FAM193B: variants seen among roughly 807,000 people sequenced by gnomAD.
The protein encoded by FAM193B is protein FAM193B.
FAM193B carries 27 observed loss-of-function variants against 70.7 expected under a neutral mutation model. The ratio of observed to expected loss-of-function variants is 0.38; its 90% CI spans 0.28 to 0.53. The LOEUF (loss-of-function observed/expected upper bound fraction) is 0.53, where lower values mean the gene tolerates loss of function less well. Among genes scored for constraint, FAM193B ranks in the 20% least tolerant of loss-of-function variants. FAM193B has a pLI of 0.81. For synonymous variants in FAM193B, 448 were observed against 436.0 expected (o/e 1.03, Z -0.34); for missense variants, 1,022 against 1,072.5 (o/e 0.95, Z 0.66).
rs1764526271 is a variant in FAM193B, at chr5:177,539,002, T to C, written c.356A>G (p.Lys119Arg). Residue 119 changes from lysine (K) to arginine (R), a missense_variant, in exon 2 of 9, where the codon AAG (lysine) becomes AGG (arginine). Lys to Arg is a conservative substitution (Grantham distance 26). Coordinates refer to ENST00000514747, the MANE Select transcript of FAM193B (RefSeq NM_001190946.3). ...CAGAGGCATCTCGCCTAGGAGATTCTTGACGAGCTTTGGCATGAAGTCAGG... is the reference window on the plus strand; with the variant it reads ...CAGAGGCATCTCGCCTAGGAGATTCCTGACGAGCTTTGGCATGAAGTCAGG... ...LPPDFMPKLV[K>R]NLLGEMPLWV... 1 of 1,613,940 alleles carries C rather than the reference T, an allele frequency of 6.2e-7. No homozygotes were observed. The highest frequency in any genetic ancestry group is 1.1e-5 in the South Asian group (1 of 91,084).
At chr5:177,545,789 T>A (rs551459280) in intron 1 of FAM193B, among the ~76,000 whole-genome samples, 10 of 152,202 alleles carry the variant, frequency 6.6e-5, no homozygotes, top group Admixed American at 6.5e-4. Flanking sequence ...TGAAGCTGGA[T>A]TGAATTTCCA....
chr5:177,535,986 C>A (rs1234779416), intron 4 of FAM193B, among the ~76,000 whole-genome samples: 2 of 150,646 alleles, frequency 1.3e-5, no homozygotes, highest in Non-Finnish European at 2.9e-5. Context: ...TCAATGCTCA[C>A]AGCAACCCTA....
At position 177,532,744 on chromosome 5, in the gene FAM193B, A is replaced by T. The variant is rs541147012; in HGVS notation, c.1077-103T>A. 1.0e-4 allele frequency: 120 copies of T among 1,143,796 alleles called. 1 individual carries two copies. The South Asian group carries it at 2.1e-3, about 20-fold the overall frequency. 70.9% of individuals were successfully genotyped at this position (1,143,796 alleles called of 1,614,324 possible). A position where few individuals can be genotyped will look rare whatever the true frequency, so the allele number is the denominator to read the frequency against. ...ATCCTGACCGCCCTTCACTTGCCCC[A>T]CTCCACAGAGGTCCCAGGTGGTCCA... On this transcript the variant is annotated intron_variant, in intron 4 of 8. Transcript: ENST00000514747. The surrounding 1 kb of genome is among the most constrained non-coding windows in gnomAD (Gnocchi z 4.9).
Position 177,532,121 on chromosome 5 carries a change from C to T in FAM193B, c.1275+322G>A, listed in dbSNP as rs916686504. On this transcript the variant is annotated intron_variant, in intron 5 of 8. Transcript: ENST00000514747. The surrounding 1 kb of genome is among the most constrained non-coding windows in gnomAD (Gnocchi z 4.9). ...CCACTCTGCCTTCATCACTCCCAAG[C>T]GTTCACTTCTCTGGGATTACACACG... is the stretch of plus-strand genomic sequence containing the variant. 7.5e-7 allele frequency: 1 copy of T among 1,336,410 alleles called. No homozygotes were observed. Among genetic ancestry groups the T allele is most frequent in the Non-Finnish European group, 9.8e-7 (1 of 1,020,526 alleles). The allele number at this position is 1,336,410 out of a possible 1,614,324, so 82.8% of individuals were successfully genotyped here. A position where few individuals can be genotyped will look rare whatever the true frequency, so the allele number is the denominator to read the frequency against.
intron 6 of FAM193B, 54 bp downstream of exon 6, chr5:177,524,130 AC>A (rs1412318045): frequency 2.0e-5 from 32 of 1,602,650 alleles, no homozygotes; most frequent in Admixed American, 8.5e-5. Flanking sequence ...CTGCCCCTCC[AC>A]CCCGTGGACT....
At chr5:177,552,653 TG>T (rs1242144211) in intron 1 of FAM193B, among the ~76,000 whole-genome samples, 2 of 151,990 alleles carry the variant, frequency 1.3e-5, no homozygotes, top group East Asian at 3.9e-4. Flanking sequence ...AGTAGGCTGG[TG>T]GGGGAAGCAG....
chr5:177,521,830 G>A, intron 8 of FAM193B, 144 bp downstream of exon 8: 1 of 650,668 alleles, frequency 1.5e-6, no homozygotes, highest in Non-Finnish European at 2.7e-6. Flanking sequence ...TGCCATTGCT[G>A]TGAAGATGCA....
At chr5:177,534,603 G>C (rs1228982627) in intron 4 of FAM193B, among the ~76,000 whole-genome samples, 1 of 151,838 alleles carries the variant, frequency 6.6e-6, no homozygotes, top group Non-Finnish European at 1.5e-5. Context: ...CGCCTGGCCA[G>C]CAAAATTGAT....
At chr5:177,550,681 G>A (rs540673489) in intron 1 of FAM193B, among the ~76,000 whole-genome samples, 55 of 152,260 alleles carry the variant, frequency 3.6e-4, no homozygotes, top group African/African-American at 1.3e-3. Context: ...CAAACTCAGT[G>A]GTCCAAGAGA....
chr5:177,550,710 G>A (rs1167833501), intron 1 of FAM193B, among the ~76,000 whole-genome samples: 1 of 152,230 alleles, frequency 6.6e-6, no homozygotes, highest in Non-Finnish European at 1.5e-5. Context: ...ACAGCTAGCA[G>A]AGCTAACAGG....
At chr5:177,529,733 C>T (rs1220178819) in intron 5 of FAM193B, among the ~76,000 whole-genome samples, 4 of 152,198 alleles carry the variant, frequency 2.6e-5, no homozygotes, top group Admixed American at 1.3e-4. Context: ...CACATATTTA[C>T]GAAAAGCACA....
intron 1 of FAM193B, among the ~76,000 whole-genome samples, chr5:177,545,464 C>G (rs751840237): frequency 6.6e-6 from 1 of 152,098 alleles, no homozygotes; most frequent in Non-Finnish European, 1.5e-5. Context: ...GCTTTCTCAG[C>G]TTTAATATTT....
At chr5:177,554,152 C>T in intron 1 of FAM193B, 97 bp downstream of exon 1, 2 of 1,446,236 alleles carry the variant, frequency 1.4e-6, no homozygotes, top group Non-Finnish European at 1.8e-6. Context: ...ACCCCAGCCG[C>T]GGCAGGATGG....
chr5:177,550,104 C>T (rs1343513885), intron 1 of FAM193B, among the ~76,000 whole-genome samples: 2 of 152,002 alleles, frequency 1.3e-5, no homozygotes, highest in African/African-American at 2.4e-5. Context: ...CACTTGAGTC[C>T]AGGAGTTTGA....
Position 177,532,242 on chromosome 5 carries a change from G to A in FAM193B, c.1275+201C>T. The A allele has an allele frequency of 6.7e-7, 1 of 1,493,298 alleles. No individual in the cohort carries two copies. The highest frequency in any genetic ancestry group is 8.9e-7 in the Non-Finnish European group (1 of 1,127,578). The allele number at this position is 1,493,298 out of a possible 1,614,324, so 92.5% of individuals were successfully genotyped here. A position where few individuals can be genotyped will look rare whatever the true frequency, so the allele number is the denominator to read the frequency against. ...AATCTTAAGAGAAACCATGAGAAGAGCAAAGGTAGCAAAATGTTTAAAAAC... is the reference window on the plus strand; with the variant it reads ...AATCTTAAGAGAAACCATGAGAAGAACAAAGGTAGCAAAATGTTTAAAAAC... On this transcript the variant is annotated intron_variant, in intron 5 of 8. Coordinates refer to ENST00000514747, the MANE Select transcript of FAM193B (RefSeq NM_001190946.3). The surrounding 1 kb of genome is among the most constrained non-coding windows in gnomAD (Gnocchi z 4.9).
At chr5:177,549,856 A>G (rs1765964630) in intron 1 of FAM193B, among the ~76,000 whole-genome samples, 1 of 55,380 alleles carries the variant, frequency 1.8e-5, no homozygotes, top group Non-Finnish European at 6.2e-5. Flanking sequence ...ACAAAGTGGT[A>G]GAATCCTTAC....
chr5:177,524,795 G>T lies in FAM193B; in HGVS notation c.1686C>A (p.Gly562=). Residue 562 remains glycine (G), a synonymous_variant, in exon 6 of 9, where the codon GGC becomes GGA. Coordinates refer to ENST00000514747, the MANE Select transcript of FAM193B (RefSeq NM_001190946.3). The part of the protein sequence containing the change: ...EPAPPWAEMR[G]PHPPWTEVRG... The stretch of plus-strand genomic sequence containing the variant: ...TCACCTCTGTCCATGGTGGGTGGGG[G>T]CCTCTCATTTCTGCCCATGGTGGGG... The T allele has an allele frequency of 6.6e-7, 1 of 1,513,908 alleles. No individual in the cohort carries two copies. Among genetic ancestry groups the T allele is most frequent in the Admixed American group, 2.3e-5 (1 of 42,842 alleles). The allele number at this position is 1,513,908 out of a possible 1,614,324, so 93.8% of individuals were successfully genotyped here.
intron 5 of FAM193B, among the ~76,000 whole-genome samples, chr5:177,525,709 C>G (rs529850315): frequency 1.3e-5 from 2 of 152,390 alleles, no homozygotes; most frequent in South Asian, 2.1e-4. Flanking sequence ...AGAGAGGCCA[C>G]TTGCTGCACA....
At chr5:177,537,824 G>T in intron 3 of FAM193B, 49 bp downstream of exon 3, 1 of 1,552,112 alleles carries the variant, frequency 6.4e-7, no homozygotes, top group Non-Finnish European at 8.7e-7. Context: ...GGAAAACACA[G>T]CTGTCCACAT....
Sources: allele counts gnomAD v4.1 joint callset (sites outside exome capture counted in the v4.1 genomes callset), GRCh38; gene constraint gnomAD v4.1.1; non-coding constraint Gnocchi (gnomAD v3.1); transcripts MANE v1.5; gene names NCBI Gene and HGNC (gene_info 2026-07-23, HGNC 2026-07-21).